The following TNR variants were observed in gnomAD, a reference collection of about 807,000 sequenced individuals.
TNR encodes tenascin-R.
Under a neutral mutation model 150.4 loss-of-function variants are expected in TNR, and 45 were observed. The ratio of observed to expected loss-of-function variants is 0.30; its 90% CI spans 0.24 to 0.38. The LOEUF is 0.38. Ranked by LOEUF, TNR falls within the 10% of genes least tolerant of loss-of-function variation. The pLI is 1.00. For synonymous variants in TNR, 687 were observed against 678.4 expected, an observed-to-expected ratio of 1.01 and a Z score of -0.20; for missense variants, 1,544 against 1,759.1, an observed-to-expected ratio of 0.88 and a Z score of 2.19.
rs1026753033 is a variant in TNR, at chr1:175,354,462, T to A, written c.3311A>T (p.Asp1104Val). The A allele has an allele frequency of 1.1e-5, 18 of 1,614,028 alleles. No individual in the cohort carries two copies. The highest frequency in any genetic ancestry group is 1.5e-5 in the Non-Finnish European group (18 of 1,179,970). Residue 1104 changes from aspartate to valine, a missense_variant, in exon 18 of 23, where the codon GAC (aspartate) becomes GTC (valine). Asp to Val is a radical substitution (Grantham distance 152, BLOSUM62 -3). Around this residue, in one of 2 missense-constraint regions of TNR, gnomAD observed 290 missense variants for 429.7 expected, o/e 0.67. Transcript: ENST00000367674. ...TGCTGCCTGCAGGAGCACCGTGTAG[T>A]CTGTGTTCTCCAACAGGCCCTCCAG... Reference protein sequence around the residue: ...IRLEGLLENTDYTVLLQAAQD... With the variant: ...IRLEGLLENTVYTVLLQAAQD...
At chr1:175,733,389 G>A (rs1667692181) in intron 1 of TNR, among the ~76,000 whole-genome samples, 1 of 152,138 alleles carries the variant, frequency 6.6e-6, no homozygotes, top group African/African-American at 2.4e-5. Flanking sequence ...TGGGCCTTCA[G>A]CCACAAAGAA....
chr1:175,693,619 G>C (rs1250885364), intron 1 of TNR, among the ~76,000 whole-genome samples: 1 of 152,182 alleles, frequency 6.6e-6, no homozygotes, highest in East Asian at 1.9e-4. Context: ...AAGAGGGATG[G>C]GGATGAGGCA....
intron 20 of TNR, among the ~76,000 whole-genome samples, chr1:175,332,683 C>T (rs1388513302): frequency 2.0e-5 from 3 of 152,204 alleles, no homozygotes; most frequent in Non-Finnish European, 2.9e-5. Flanking sequence ...TGGGTTTCCT[C>T]CCTGGCCTAA....
rs756151881 is a variant in TNR, at chr1:175,403,285, G to C, written c.831C>G (p.Ala277=). The part of the protein sequence containing the change: ...PGDCSGKGRC[A]NGTCLCEEGY... ...CCTCCTCGCATAAACAGGTACCGTT[G>C]GCACATCTCCCCTTCCCCGAACAGT... is the stretch of plus-strand genomic sequence containing the variant. The change falls in exon 4 of 23, where the codon GCC becomes GCG. Residue 277 remains alanine, a synonymous_variant. Transcript: ENST00000367674. The C allele has an allele frequency of 2.5e-6, 4 of 1,614,110 alleles. No homozygotes were observed. The South Asian group carries it at 4.4e-5, about 18-fold the overall frequency.
At position 175,653,165 on chromosome 1, in the gene TNR, A is replaced by G. The variant is rs375740844; in HGVS notation, c.-165+90061T>C. 8.5e-5 allele frequency among the ~76,000 whole-genome samples: 13 copies of G among 152,320 alleles called. 1 individual carries two copies. The South Asian group carries it at 1.5e-3, about 17-fold the overall frequency. On this transcript the variant is annotated intron_variant, in intron 1 of 22. Transcript: ENST00000367674. ...AACCACTGGGCCCATTCCTGGAGACATACTCTAGAGAAACTTTTATACAAA... is the reference window on the plus strand; with the variant it reads ...AACCACTGGGCCCATTCCTGGAGACGTACTCTAGAGAAACTTTTATACAAA...
At chr1:175,453,036 C>G (rs930366014) in intron 2 of TNR, among the ~76,000 whole-genome samples, 2 of 151,958 alleles carry the variant, frequency 1.3e-5, no homozygotes, top group African/African-American at 4.8e-5. Flanking sequence ...AGATGGTGGT[C>G]ACGGTGGTAC....
chr1:175,549,946 T>G (rs150099461), intron 1 of TNR, among the ~76,000 whole-genome samples: 141 of 152,322 alleles, frequency 9.3e-4, no homozygotes, highest in African/African-American at 3.2e-3. Context: ...AACTGTGAGA[T>G]AGTTAATTTG....
At chr1:175,552,021 C>G (rs944345142) in intron 1 of TNR, among the ~76,000 whole-genome samples, 3 of 152,144 alleles carry the variant, frequency 2.0e-5, no homozygotes, top group African/African-American at 7.2e-5. Flanking sequence ...CTTATCTAAA[C>G]TTATTCAGGT....
rs778393908 is a variant in TNR, at chr1:175,480,416, GAAA to G, written c.-64+47850_-64+47852del. Among the ~76,000 whole-genome samples, 15 of 86,026 alleles carry G rather than the reference GAAA, an allele frequency of 1.7e-4. No homozygotes were observed. The East Asian group carries it at 7.0e-3, about 40-fold the overall frequency. 56.4% of individuals were successfully genotyped at this position (86,026 alleles called of 152,430 possible). ...AAGAAAGAAAGAAAAAAGAAAGAAA[GAAA>G]AAAGAAAGAAAGAAAGAAAGAAAGA... On this transcript the variant is annotated intron_variant, in intron 2 of 22. Coordinates refer to ENST00000367674, the MANE Select transcript of TNR (RefSeq NM_003285.3).
intron 2 of TNR, among the ~76,000 whole-genome samples, chr1:175,412,380 G>A (rs1292366962): frequency 1.3e-5 from 2 of 152,198 alleles, no homozygotes; most frequent in South Asian, 2.1e-4. Flanking sequence ...CAATCCAAGA[G>A]ATCTCCCCAG....
rs1558031293 is a variant in TNR at position 175,599,740 on chromosome 1, C to T, written c.-164-71371G>A. On this transcript the variant is annotated intron_variant, in intron 1 of 22. Transcript: ENST00000367674. The surrounding 1 kb of genome is among the most constrained non-coding windows in gnomAD (Gnocchi z 4.7). ...CAAACAGCCCAGGCTTTTCGTGAGA[C>T]CCATTGGCGGGTTCCCTGCCACCAA... Among the ~76,000 whole-genome samples the T allele has an allele frequency of 6.6e-6, 1 of 152,248 alleles. No homozygotes were observed. Among genetic ancestry groups the T allele is most frequent in the Non-Finnish European group, 1.5e-5 (1 of 68,036 alleles).
chr1:175,630,195 C>G (rs1194825215), intron 1 of TNR, among the ~76,000 whole-genome samples: 1 of 152,216 alleles, frequency 6.6e-6, no homozygotes, highest in African/African-American at 2.4e-5. Context: ...CTTTTATGCT[C>G]TGGACTCCAA....
intron 1 of TNR, among the ~76,000 whole-genome samples, chr1:175,690,355 T>C (rs1283422689): frequency 6.6e-6 from 1 of 152,210 alleles, no homozygotes; most frequent in Non-Finnish European, 1.5e-5. Context: ...GTGACAAGTG[T>C]GCAAAGCATT....
At chr1:175,380,795 A>C (rs1652640016) in intron 8 of TNR, among the ~76,000 whole-genome samples, 2 of 152,226 alleles carry the variant, frequency 1.3e-5, no homozygotes, top group Non-Finnish European at 2.9e-5. Flanking sequence ...GCCCGGAACA[A>C]CTGTCACTTA....
At chr1:175,522,732 A>G (rs1378975682) in intron 2 of TNR, among the ~76,000 whole-genome samples, 4 of 152,218 alleles carry the variant, frequency 2.6e-5, no homozygotes, top group African/African-American at 9.6e-5. Flanking sequence ...CCCACAAAAA[A>G]TAAAGCTGTT....
chr1:175,609,815 A>T (rs936069397), intron 1 of TNR, among the ~76,000 whole-genome samples: 4 of 152,238 alleles, frequency 2.6e-5, no homozygotes, highest in African/African-American at 9.6e-5. Context: ...TAGGAAGCCA[A>T]ATCATAATCA....
At chr1:175,505,401 C>T (rs1256014813) in intron 2 of TNR, among the ~76,000 whole-genome samples, 1 of 152,254 alleles carries the variant, frequency 6.6e-6, no homozygotes, top group African/African-American at 2.4e-5. Context: ...GGAGACCGCG[C>T]GCTAAGCATG....
At chr1:175,546,323 G>A (rs990638396) in intron 1 of TNR, among the ~76,000 whole-genome samples, 3 of 152,204 alleles carry the variant, frequency 2.0e-5, no homozygotes, top group Non-Finnish European at 2.9e-5. Context: ...TAACATGGGG[G>A]TGAGGTTAAG....
At chr1:175,602,289 C>T (rs1417956570) in intron 1 of TNR, among the ~76,000 whole-genome samples, 1 of 148,886 alleles carries the variant, frequency 6.7e-6, no homozygotes, top group Admixed American at 6.7e-5. Flanking sequence ...CTCTATATCA[C>T]ACTGGTCCTC....
Sources: gnomAD v4.1 joint callset for allele counts (sites outside exome capture counted in the v4.1 genomes callset) on GRCh38, gnomAD v4.1.1 for gene constraint, gnomAD v4.1.1 regional missense constraint, Gnocchi (gnomAD v3.1) non-coding constraint, MANE v1.5 for transcripts, NCBI Gene and HGNC (gene_info 2026-07-23, HGNC 2026-07-21) for gene names.